Variants in TRDN observed in about 807,000 individuals in gnomAD.
The protein encoded by TRDN is triadin in skeletal muscle.
A neutral mutation model predicts 149.7 loss-of-function variants in TRDN; 161 were observed. The ratio of observed to expected loss-of-function variants is 1.08; its 90% CI spans 0.95 to 1.23. The LOEUF is 1.23. TRDN is among the 50% of genes most tolerant of loss of function. The pLI is 0.00. For synonymous variants in TRDN, 294 were observed against 250.5 expected, an observed-to-expected ratio of 1.17 and a Z score of -1.64; for missense variants, 896 against 823.5, an observed-to-expected ratio of 1.09 and a Z score of -1.08.
At chr6:123,580,438 C>G (rs970035453) in intron 1 of TRDN, among the ~76,000 whole-genome samples, 1 of 152,178 alleles carries the variant, frequency 6.6e-6, no homozygotes, top group Non-Finnish European at 1.5e-5. Context: ...GGACTGTGAT[C>G]TGAGTTACCT....
At chr6:123,277,110 T>G (rs912316898) in intron 26 of TRDN, among the ~76,000 whole-genome samples, 3 of 152,208 alleles carry the variant, frequency 2.0e-5, no homozygotes, top group African/African-American at 7.2e-5. Flanking sequence ...TCTCATCATT[T>G]TATTTTGGGA....
At chr6:123,278,465 C>A in intron 25 of TRDN, 118 bp from the exon 26 acceptor site, 2 of 655,012 alleles carry the variant, frequency 3.1e-6, no homozygotes, top group Non-Finnish European at 4.3e-6. Context: ...GTTTCAATCT[C>A]CTATTAACTT....
At chr6:123,500,525 T>C (rs1778652963) in intron 8 of TRDN, among the ~76,000 whole-genome samples, 1 of 152,200 alleles carries the variant, frequency 6.6e-6, no homozygotes, top group Non-Finnish European at 1.5e-5. Context: ...AAATCTAAAT[T>C]GTCCTGCCAT....
intron 24 of TRDN, among the ~76,000 whole-genome samples, chr6:123,290,994 T>G (rs779498337): frequency 3.5e-4 from 53 of 151,828 alleles, no homozygotes; most frequent in Admixed American, 5.2e-4. Context: ...CTGTTTCTAT[T>G]AAAAATACAA....
At chr6:123,603,602 C>T (rs1020787645) in intron 1 of TRDN, among the ~76,000 whole-genome samples, 1 of 152,012 alleles carries the variant, frequency 6.6e-6, no homozygotes, top group Admixed American at 6.6e-5. Flanking sequence ...TTACTATGTT[C>T]CAGACATTGT....
chr6:123,254,919 A>G (rs1481532228), intron 37 of TRDN, 162 bp downstream of exon 37: 1 of 576,964 alleles, frequency 1.7e-6, no homozygotes, highest in Non-Finnish European at 3.2e-6. Flanking sequence ...ATTGAAATAT[A>G]AGCTTTCTGC....
At chr6:123,285,909 G>A (rs926450906) in intron 24 of TRDN, among the ~76,000 whole-genome samples, 3 of 151,840 alleles carry the variant, frequency 2.0e-5, no homozygotes, top group Non-Finnish European at 2.9e-5. Flanking sequence ...AATGGCCAGC[G>A]AAAATGTGAA....
intron 12 of TRDN, among the ~76,000 whole-genome samples, chr6:123,397,526 T>C (rs1225174869): frequency 1.3e-5 from 2 of 152,126 alleles, no homozygotes; most frequent in East Asian, 3.8e-4. Flanking sequence ...CAGTAAGAAA[T>C]GGCACAGAAT....
At chr6:123,323,728 T>C (rs1779343250) in intron 23 of TRDN, among the ~76,000 whole-genome samples, 1 of 152,234 alleles carries the variant, frequency 6.6e-6, no homozygotes, top group African/African-American at 2.4e-5. Flanking sequence ...GCATACATTG[T>C]CCCTGCCTTA....
chr6:123,622,906 GA>G (rs1264530403), intron 1 of TRDN, among the ~76,000 whole-genome samples: 1 of 152,088 alleles, frequency 6.6e-6, no homozygotes, highest in African/African-American at 2.4e-5. Flanking sequence ...TCAAGTAAAA[GA>G]AATGTAATCC....
In TRDN at chr6:123,382,070, T is replaced by C. The variant is rs74488301; in HGVS notation, c.1165+48A>G. 8.1e-4 allele frequency: 1,154 copies of C among 1,418,722 alleles called. 15 individuals carry two copies. The East Asian group carries it at 0.019, about 24-fold the overall frequency. The allele number at this position is 1,418,722 out of a possible 1,614,324, so 87.9% of individuals were successfully genotyped here. Reference sequence around the variant, plus strand: ...CAATCCTTTAAGAAGGTATGCTGTTTCATGGTTCATCAAACATAAGGCAGA... The same window carrying C: ...CAATCCTTTAAGAAGGTATGCTGTTCCATGGTTCATCAAACATAAGGCAGA... On this transcript the variant is annotated intron_variant, in intron 15 of 40. Transcript: ENST00000334268.
At chr6:123,271,445 C>T (rs1201593104) in intron 29 of TRDN, among the ~76,000 whole-genome samples, 1 of 151,874 alleles carries the variant, frequency 6.6e-6, no homozygotes, top group African/African-American at 2.4e-5. Context: ...AATATGAGCC[C>T]TATTTTTTGC....
At chr6:123,409,028 G>A in intron 12 of TRDN, among the ~76,000 whole-genome samples, 1 of 152,086 alleles carries the variant, frequency 6.6e-6, no homozygotes, top group East Asian at 1.9e-4. Flanking sequence ...CTAAGTTAGG[G>A]CACTGATTCC....
intron 8 of TRDN, among the ~76,000 whole-genome samples, chr6:123,500,278 T>G (rs936843204): frequency 2.6e-5 from 4 of 152,146 alleles, no homozygotes; most frequent in African/African-American, 9.7e-5. Context: ...CTATCAAAGC[T>G]GATAGGAATT....
At chr6:123,608,555 T>TAGGCA (rs1408908198) in intron 1 of TRDN, among the ~76,000 whole-genome samples, 1 of 152,108 alleles carries the variant, frequency 6.6e-6, no homozygotes, top group African/African-American at 2.4e-5. Context: ...CTGAAATGTG[T>TAGGCA]AGGCATTTCA....
At chr6:123,566,739 AG>A (rs1469013132) in intron 2 of TRDN, among the ~76,000 whole-genome samples, 1 of 152,162 alleles carries the variant, frequency 6.6e-6, no homozygotes, top group Non-Finnish European at 1.5e-5. Context: ...CCCTAGCAAA[AG>A]TTTGAATTGT....
chr6:123,276,444 G>A (rs932361710), intron 26 of TRDN, among the ~76,000 whole-genome samples: 1 of 152,112 alleles, frequency 6.6e-6, no homozygotes, highest in African/African-American at 2.4e-5. Flanking sequence ...TATGGAAGGT[G>A]CAAACTGATT....
chr6:123,221,326 C>T (rs553261866), intron 40 of TRDN, among the ~76,000 whole-genome samples, 161 bp downstream of exon 40: 16 of 151,852 alleles, frequency 1.1e-4, no homozygotes, highest in African/African-American at 3.6e-4. Flanking sequence ...TGATACGCTT[C>T]TTTTTAAAAT....
rs557454857 is a variant in TRDN, at chr6:123,552,917, T to C, written c.233-4305A>G. On this transcript the variant is annotated intron_variant, in intron 2 of 40. Coordinates refer to ENST00000334268, the MANE Select transcript of TRDN (RefSeq NM_006073.4). Reference sequence around the variant, plus strand: ...CTTTCCAGTGCCTGTTATTCCTCTATTCAAACTCTCTGTACTCCAATTTAG... The same window carrying C: ...CTTTCCAGTGCCTGTTATTCCTCTACTCAAACTCTCTGTACTCCAATTTAG... Among the ~76,000 whole-genome samples the C allele has an allele frequency of 2.0e-5, 3 of 152,276 alleles. No homozygotes were observed. In the South Asian group the frequency reaches 6.2e-4, roughly 32 times the overall value.
Sources: gnomAD v4.1 joint callset for allele counts (sites outside exome capture counted in the v4.1 genomes callset) on GRCh38, gnomAD v4.1.1 for gene constraint, MANE v1.5 for transcripts, NCBI Gene and HGNC (gene_info 2026-07-23, HGNC 2026-07-21) for gene names.